The following KIAA0319L variants were observed in gnomAD, a reference collection of about 807,000 sequenced individuals.
KIAA0319L encodes the protein dyslexia-associated protein KIAA0319-like protein.
KIAA0319L carries 55 observed loss-of-function variants against 120.1 expected under a neutral mutation model. That is an observed-to-expected ratio of 0.46 (90% confidence interval 0.37 to 0.57). KIAA0319L has a LOEUF of 0.57. KIAA0319L is among the 20% of genes least tolerant of loss of function. The probability of loss-of-function intolerance (pLI) is 0.00; values close to 1 mark genes in which losing one functional copy is unlikely to be tolerated. For missense variants in KIAA0319L, 1,049 were observed against 1,255.3 expected, an observed-to-expected ratio of 0.84 and a Z score of 2.48; for synonymous variants, 398 against 471.9, an observed-to-expected ratio of 0.84 and a Z score of 2.03.
intron 2 of KIAA0319L, among the ~76,000 whole-genome samples, chr1:35,512,636 A>G (rs1645499278): frequency 6.6e-6 from 1 of 152,126 alleles, no homozygotes; most frequent in Non-Finnish European, 1.5e-5. Context: ...TGGGAGGCTA[A>G]GGCAGGCAGA....
chr1:35,509,001 G>C (rs1244795557), intron 2 of KIAA0319L, among the ~76,000 whole-genome samples: 1 of 152,136 alleles, frequency 6.6e-6, no homozygotes, highest in East Asian at 1.9e-4. Context: ...TAAAGCAACT[G>C]TTTTTAGACA....
At chr1:35,545,295 A>G (rs773975159) in intron 2 of KIAA0319L, among the ~76,000 whole-genome samples, 1 of 152,164 alleles carries the variant, frequency 6.6e-6, no homozygotes, top group Non-Finnish European at 1.5e-5. Flanking sequence ...TTAATGCCAT[A>G]CACCAGCAGA....
In KIAA0319L at chr1:35,433,913, GGT is replaced by G. The variant is rs1304414265; in HGVS notation, c.*979_*980del. ...CCTAAGCCCCGAAGCAGCAGGTGCC[GGT>G]CAGATGGAGAGGAGGGAGGCCGTCT... On this transcript the variant is annotated 3_prime_UTR_variant, in exon 21 of 21. Transcript: ENST00000325722. The G allele has an allele frequency of 6.6e-6, 1 of 152,274 alleles. No individual in the cohort carries two copies. The highest frequency in any genetic ancestry group is 1.5e-5 in the Non-Finnish European group (1 of 68,160). The allele number at this position is 152,274 out of a possible 1,614,324, so 9.4% of individuals were successfully genotyped here.
chr1:35,494,664 T>C (rs538592182), intron 3 of KIAA0319L, among the ~76,000 whole-genome samples: 41 of 147,480 alleles, frequency 2.8e-4, no homozygotes, highest in African/African-American at 1.0e-3. Flanking sequence ...AAAAACAAAC[T>C]AGCAGGCATG....
intron 14 of KIAA0319L, among the ~76,000 whole-genome samples, 164 bp downstream of exon 14, chr1:35,450,194 T>TA (rs1367185080): frequency 4.6e-5 from 7 of 152,344 alleles, no homozygotes; most frequent in African/African-American, 1.7e-4. Flanking sequence ...TTCTGTGCTA[T>TA]ACTAGCTTAC....
chr1:35,472,468 T>G (rs928426956), intron 5 of KIAA0319L, among the ~76,000 whole-genome samples: 3 of 152,170 alleles, frequency 2.0e-5, no homozygotes, highest in Non-Finnish European at 2.9e-5. Flanking sequence ...ATTTTTGTAT[T>G]TTTAGTATAA....
intron 2 of KIAA0319L, among the ~76,000 whole-genome samples, chr1:35,552,459 C>T (rs1488788173): frequency 6.6e-6 from 1 of 152,174 alleles, no homozygotes; most frequent in Non-Finnish European, 1.5e-5. Context: ...ATCCTACCTC[C>T]ACCATGTTCT....
In KIAA0319L at chr1:35,478,979, T is replaced by C. The variant is rs1644026591; in HGVS notation, c.900A>G (p.Ser300=). ...AAAGGTCCTTACCTGGGTATGGTGC[T>C]GAGGTGCTCTGGAAAGAGGCCTGGG... ...PTPQASFQST[S]APYPVIKELV... The change falls in exon 4 of 21, where the codon TCA becomes TCG. Residue 300 remains serine (S), a synonymous_variant. Transcript: ENST00000325722. 4 of 1,614,008 alleles carry C rather than the reference T, an allele frequency of 2.5e-6. No homozygotes were observed. Among genetic ancestry groups the C allele is most frequent in the Non-Finnish European group, 3.4e-6 (4 of 1,179,994 alleles).
intron 3 of KIAA0319L, 37 bp from the exon 4 acceptor site, chr1:35,479,249 G>A: frequency 6.4e-7 from 1 of 1,566,136 alleles, no homozygotes; most frequent in Non-Finnish European, 8.7e-7. Context: ...GTAGGTAAAA[G>A]TTACATAATT....
rs58080321 is a variant in KIAA0319L, at chr1:35,537,615, T to TAAAA, written c.142+16731_142+16734dup. On this transcript the variant is annotated intron_variant, in intron 2 of 20. Coordinates refer to ENST00000325722, the MANE Select transcript of KIAA0319L (RefSeq NM_024874.5). ...TTTTGGAGCATTATGTAAGCGCCAT[T>TAAAA]AAAAAAAAAAAAAAAAAAAAAACTG... 1.8e-4 allele frequency among the ~76,000 whole-genome samples: 19 copies of TAAAA among 102,916 alleles called. No individual in the cohort carries two copies. The South Asian group carries it at 2.6e-3, about 14-fold the overall frequency. 67.5% of individuals were successfully genotyped at this position (102,916 alleles called of 152,430 possible).
chr1:35,528,178 C>G (rs1404470611), intron 2 of KIAA0319L, among the ~76,000 whole-genome samples: 8 of 152,196 alleles, frequency 5.3e-5, no homozygotes, highest in Non-Finnish European at 1.2e-4. Context: ...ACTTCAAACA[C>G]CTGGGCTCAA....
intron 3 of KIAA0319L, among the ~76,000 whole-genome samples, chr1:35,490,993 C>T (rs1430789955): frequency 1.3e-5 from 2 of 152,160 alleles, no homozygotes; most frequent in African/African-American, 4.8e-5. Flanking sequence ...CCCAGCCATG[C>T]TTCCTGTACA....
At chr1:35,456,274 A>G in intron 9 of KIAA0319L, 33 bp from the exon 10 acceptor site, 1 of 1,403,522 alleles carries the variant, frequency 7.1e-7, no homozygotes, top group South Asian at 1.4e-5. Flanking sequence ...GTGATCAGGG[A>G]CGGGTTTAAG....
intron 7 of KIAA0319L, among the ~76,000 whole-genome samples, chr1:35,466,033 ATGAAAATG>A (rs1287130110): frequency 1.3e-5 from 2 of 152,206 alleles, no homozygotes; most frequent in Admixed American, 1.3e-4. Flanking sequence ...TATCAGCACC[ATGAAAATG>A]TACTAATACA....
In KIAA0319L at chr1:35,487,298, C is replaced by G. The variant is rs116173792; in HGVS notation, c.667-8086G>C. Among the ~76,000 whole-genome samples, 365 of 151,894 alleles carry G rather than the reference C, an allele frequency of 2.4e-3. 2 individuals are homozygous for G. Among genetic ancestry groups the G allele is most frequent in the African/African-American group, 7.8e-3 (324 of 41,402 alleles). On this transcript the variant is annotated intron_variant, in intron 3 of 20. Transcript: ENST00000325722. ...AGACAGTCTTGCTCTGTTGCTCAGG[C>G]TGGAGTACAACAGTGTGATCTTCTC...
rs377126768 is a variant in KIAA0319L, at chr1:35,460,917, T to C, written c.1295-480A>G. ...CTATAATGAGTACTTTGGCAATATTTATCTCTGCCCCTGCGATTCTTCTAT... is the reference window on the plus strand; with the variant it reads ...CTATAATGAGTACTTTGGCAATATTCATCTCTGCCCCTGCGATTCTTCTAT... On this transcript the variant is annotated intron_variant, in intron 8 of 20. Transcript: ENST00000325722. Among the ~76,000 whole-genome samples the C allele has an allele frequency of 2.0e-5, 3 of 152,338 alleles. No individual in the cohort carries two copies. The East Asian group carries it at 5.8e-4, about 29-fold the overall frequency.
chr1:35,537,158 A>G (rs1269286776), intron 2 of KIAA0319L, among the ~76,000 whole-genome samples: 1 of 152,202 alleles, frequency 6.6e-6, no homozygotes, highest in Non-Finnish European at 1.5e-5. Flanking sequence ...TCTAAAAAGA[A>G]AAGCACCTAG....
intron 14 of KIAA0319L, 74 bp downstream of exon 14, chr1:35,450,283 TA>T (rs1641957957): frequency 6.9e-7 from 1 of 1,453,990 alleles, no homozygotes; most frequent in Middle Eastern, 2.4e-4. Context: ...ACCACTTGAT[TA>T]AAGCATATAC....
intron 4 of KIAA0319L, among the ~76,000 whole-genome samples, chr1:35,477,062 C>G (rs765324279): frequency 4.0e-5 from 6 of 151,896 alleles, no homozygotes; most frequent in Non-Finnish European, 7.4e-5. Flanking sequence ...GGACAGGCAA[C>G]CAAAGCGAAA....
Sources: allele counts gnomAD v4.1 joint callset (sites outside exome capture counted in the v4.1 genomes callset), GRCh38; gene constraint gnomAD v4.1.1; transcripts MANE v1.5; gene names NCBI Gene and HGNC (gene_info 2026-07-23, HGNC 2026-07-21).